The following PBX1 variants were observed in gnomAD, a reference collection of about 807,000 sequenced individuals.
The protein encoded by PBX1 is PBX homeobox 1, also known as pre-B-cell leukemia transcription factor 1.
A neutral mutation model predicts 53.4 loss-of-function variants in PBX1; 6 were observed. The observed-to-expected ratio is 0.11, with a 90% CI of 0.06 to 0.22. PBX1 has a LOEUF of 0.22. PBX1 is among the 10% of genes least tolerant of loss of function. The probability of loss-of-function intolerance (pLI) is 1.00; values close to 1 mark genes in which losing one functional copy is unlikely to be tolerated. For synonymous variants in PBX1, 204 were observed against 212.3 expected, an observed-to-expected ratio of 0.96 and a Z score of 0.34; for missense variants, 251 against 551.4, an observed-to-expected ratio of 0.46 and a Z score of 5.46.
At chr1:164,588,909 C>A (rs769437748) in intron 2 of PBX1, among the ~76,000 whole-genome samples, 1 of 152,014 alleles carries the variant, frequency 6.6e-6, no homozygotes, top group Non-Finnish European at 1.5e-5. Context: ...TTTTTCCTTT[C>A]TGTTGTTTAA....
chr1:164,643,999 C>T (rs1159002317), intron 2 of PBX1, among the ~76,000 whole-genome samples: 1 of 152,134 alleles, frequency 6.6e-6, no homozygotes, highest in African/African-American at 2.4e-5. Context: ...TTTGGCATTC[C>T]CTTCACAATT....
intron 2 of PBX1, among the ~76,000 whole-genome samples, chr1:164,782,949 C>T (rs74121234): frequency 1.3e-5 from 2 of 152,296 alleles, no homozygotes; most frequent in African/African-American, 4.8e-5. Flanking sequence ...AGTGTCTTTA[C>T]CCTCTTCTGG....
intron 2 of PBX1, among the ~76,000 whole-genome samples, chr1:164,725,320 T>A (rs1213686237): frequency 6.6e-6 from 1 of 152,186 alleles, no homozygotes; most frequent in Non-Finnish European, 1.5e-5. Flanking sequence ...TCAGTATGTT[T>A]ATTTGTCCCT....
At chr1:164,841,277 G>A (rs184958864) in intron 8 of PBX1, among the ~76,000 whole-genome samples, 4 of 152,254 alleles carry the variant, frequency 2.6e-5, no homozygotes, top group East Asian at 1.9e-4. Flanking sequence ...GTGAGGGCAC[G>A]GCATTCAAGG....
At chr1:164,662,395 A>G (rs573250087) in intron 2 of PBX1, among the ~76,000 whole-genome samples, 1 of 152,280 alleles carries the variant, frequency 6.6e-6, no homozygotes, top group African/African-American at 2.4e-5. Flanking sequence ...TGGGCCTTCT[A>G]GGAGACAGGG....
downstream of PBX1, chr1:164,851,935 C>G (rs1671860297): frequency 6.5e-6 from 1 of 154,730 alleles, no homozygotes; most frequent in Non-Finnish European, 1.4e-5. Flanking sequence ...TTGCCCTAAT[C>G]ACTGAAAAGT....
intron 2 of PBX1, among the ~76,000 whole-genome samples, chr1:164,619,453 G>T (rs1346751815): frequency 6.6e-6 from 1 of 152,152 alleles, no homozygotes; most frequent in Non-Finnish European, 1.5e-5. Flanking sequence ...TGAAGGGGCA[G>T]TGAGTGAGGG....
At chr1:164,876,413 A>G (rs1351534842) in intron 2 of PBX1, among the ~76,000 whole-genome samples, 2 of 139,576 alleles carry the variant, frequency 1.4e-5, no homozygotes, top group African/African-American at 2.7e-5. Flanking sequence ...CAATTAGCAG[A>G]GGAGAGGGAT....
chr1:164,655,231 A>G (rs1482273631), intron 2 of PBX1, among the ~76,000 whole-genome samples: 1 of 151,760 alleles, frequency 6.6e-6, no homozygotes, highest in African/African-American at 2.4e-5. Flanking sequence ...CTCCTGCCTC[A>G]GCCTCCCAAG....
At chr1:164,843,610 A>G (rs1671415544) in intron 8 of PBX1, among the ~76,000 whole-genome samples, 1 of 150,282 alleles carries the variant, frequency 6.7e-6, no homozygotes, top group Admixed American at 6.7e-5. Context: ...TTTAGCTAGA[A>G]GGTTTTATAT....
chr1:164,603,351 C>T (rs1192013583), intron 2 of PBX1, among the ~76,000 whole-genome samples: 4 of 152,110 alleles, frequency 2.6e-5, no homozygotes, highest in Admixed American at 6.5e-5. Flanking sequence ...GAAACTTTGA[C>T]TCTGTCCCAT....
chr1:164,628,110 A>T (rs1470988615), intron 2 of PBX1, among the ~76,000 whole-genome samples: 1 of 152,214 alleles, frequency 6.6e-6, no homozygotes, highest in Non-Finnish European at 1.5e-5. Flanking sequence ...GAGAAGAATT[A>T]TAAGAAACAA....
At position 164,848,206 on chromosome 1, in the gene PBX1, C is replaced by T. The variant is rs1671663080; in HGVS notation, c.*1530C>T. On this transcript the variant is annotated 3_prime_UTR_variant, in exon 9 of 9. Transcript: ENST00000420696. ...GGGAACACAGCGTGTACTAAAAATACATGAGAAAATAGCATGTATATGAAA... is the reference window on the plus strand; with the variant it reads ...GGGAACACAGCGTGTACTAAAAATATATGAGAAAATAGCATGTATATGAAA... 1 of 1,050,736 alleles carries T rather than the reference C, an allele frequency of 9.5e-7. No homozygotes were observed. The highest frequency in any genetic ancestry group is 1.7e-5 in the African/African-American group (1 of 60,264). 65.1% of individuals were successfully genotyped at this position (1,050,736 alleles called of 1,614,324 possible).
chr1:164,739,371 A>AC (rs1665474447), intron 2 of PBX1, among the ~76,000 whole-genome samples: 1 of 152,146 alleles, frequency 6.6e-6, no homozygotes. Context: ...CTGATGTGTT[A>AC]CCTAGCAGGC....
At chr1:164,590,356 C>T (rs1655284309) in intron 2 of PBX1, 1 of 455,886 alleles carries the variant, frequency 2.2e-6, no homozygotes, top group African/African-American at 2.0e-5. Flanking sequence ...CTGCATGCTC[C>T]TTGTTTTCTT....
intron 4 of PBX1, among the ~76,000 whole-genome samples, chr1:164,806,959 G>C (rs1025111177): frequency 6.6e-6 from 1 of 152,154 alleles, no homozygotes; most frequent in Non-Finnish European, 1.5e-5. Flanking sequence ...ATTGACCGAG[G>C]ATTCAAAACC....
intron 2 of PBX1, among the ~76,000 whole-genome samples, chr1:164,586,822 T>C (rs1040293695): frequency 6.6e-6 from 1 of 151,262 alleles, no homozygotes; most frequent in Non-Finnish European, 1.5e-5. Flanking sequence ...CTCAAGGGAG[T>C]TGAACAGAGA....
intron 2 of PBX1, among the ~76,000 whole-genome samples, chr1:164,789,922 G>A (rs1386629418): frequency 4.6e-5 from 7 of 152,088 alleles, no homozygotes; most frequent in Non-Finnish European, 8.8e-5. Flanking sequence ...TTGAATAATC[G>A]AGCTAAAGTG....
intron 2 of PBX1, among the ~76,000 whole-genome samples, chr1:164,603,963 A>T (rs75321005): frequency 8.9e-5 from 2 of 22,488 alleles, no homozygotes; most frequent in South Asian, 1.4e-3. Flanking sequence ...TTTTTTTTTT[A>T]GAGATGAGTC....
Sources: gnomAD v4.1 joint callset for allele counts (sites outside exome capture counted in the v4.1 genomes callset) on GRCh38, gnomAD v4.1.1 for gene constraint, MANE v1.5 for transcripts, NCBI Gene and HGNC (gene_info 2026-07-23, HGNC 2026-07-21) for gene names.